ADAMTS17: variants seen among roughly 807,000 people sequenced by gnomAD.
ADAMTS17 encodes ADAM metallopeptidase with thrombospondin type 1 motif 17.
In ADAMTS17, 113 loss-of-function variants were observed where a neutral mutation model predicts 141.5. The observed-to-expected ratio is 0.80, with a 90% CI of 0.69 to 0.93. The LOEUF is 0.93. Ranked by LOEUF, ADAMTS17 falls within the 40% of genes least tolerant of loss-of-function variation. ADAMTS17 has a pLI of 0.00. For missense variants in ADAMTS17, 1,659 were observed against 1,517.9 expected, an observed-to-expected ratio of 1.09 and a Z score of -1.54; for synonymous variants, 768 against 630.6, an observed-to-expected ratio of 1.22 and a Z score of -3.27.
intron 7 of ADAMTS17, among the ~76,000 whole-genome samples, chr15:100,242,800 CT>C (rs1451865202): frequency 6.6e-6 from 1 of 152,066 alleles, no homozygotes. Context: ...TGTCATCTTA[CT>C]TCTTTAAAAA....
chr15:100,213,038 G>A (rs1184102318), intron 7 of ADAMTS17, among the ~76,000 whole-genome samples: 1 of 152,120 alleles, frequency 6.6e-6, no homozygotes, highest in African/African-American at 2.4e-5. Context: ...CATATCCGTA[G>A]TTTAACATAT....
chr15:100,008,406 C>T (rs2141389964), intron 18 of ADAMTS17, among the ~76,000 whole-genome samples: 1 of 152,268 alleles, frequency 6.6e-6, no homozygotes, highest in Non-Finnish European at 1.5e-5. Flanking sequence ...GGGACCCTGC[C>T]CACAGGTGGT....
At chr15:100,286,522 C>T (rs2044454068) in intron 3 of ADAMTS17, among the ~76,000 whole-genome samples, 1 of 152,174 alleles carries the variant, frequency 6.6e-6, no homozygotes, top group African/African-American at 2.4e-5. Flanking sequence ...GAAACTCATA[C>T]CGGCACCTCA....
intron 15 of ADAMTS17, among the ~76,000 whole-genome samples, chr15:100,078,078 T>C (rs185696326): frequency 6.6e-6 from 1 of 152,180 alleles, no homozygotes; most frequent in South Asian, 2.1e-4. Flanking sequence ...CTACAATACA[T>C]TGCTGAAAGG....
intron 14 of ADAMTS17, among the ~76,000 whole-genome samples, chr15:100,103,926 A>C (rs1361088270): frequency 6.6e-6 from 1 of 152,220 alleles, no homozygotes; most frequent in Non-Finnish European, 1.5e-5. Flanking sequence ...TGTATAGGGA[A>C]GCACAGGTTA....
intron 8 of ADAMTS17, among the ~76,000 whole-genome samples, chr15:100,175,579 G>T (rs902798067): frequency 2.0e-5 from 3 of 152,166 alleles, no homozygotes; most frequent in African/African-American, 7.2e-5. Flanking sequence ...ATGCACCCCA[G>T]GGCGTGATGG....
intron 7 of ADAMTS17, among the ~76,000 whole-genome samples, chr15:100,235,144 T>G (rs1596332326): frequency 6.6e-6 from 1 of 151,826 alleles, no homozygotes; most frequent in East Asian, 1.9e-4. Flanking sequence ...ATGCAGGAGG[T>G]GCTCGGGGAG....
intron 14 of ADAMTS17, among the ~76,000 whole-genome samples, chr15:100,099,420 C>T (rs954641977): frequency 6.6e-6 from 1 of 152,300 alleles, no homozygotes; most frequent in Non-Finnish European, 1.5e-5. Flanking sequence ...TGCCATAGGA[C>T]ACAACTGAAG....
chr15:100,032,464 A>G (rs1258623730), intron 18 of ADAMTS17, among the ~76,000 whole-genome samples: 1 of 152,224 alleles, frequency 6.6e-6, no homozygotes, highest in Non-Finnish European at 1.5e-5. Flanking sequence ...AGCATTCTGA[A>G]AAATTGCTCT....
chr15:100,135,059 C>G (rs73470015), intron 10 of ADAMTS17, among the ~76,000 whole-genome samples: 2,085 of 152,202 alleles, frequency 0.014, 41 homozygotes, highest in African/African-American at 0.047. Flanking sequence ...ATTTATGGGA[C>G]AGGAGCGGTT....
At chr15:100,250,095 T>G (rs1450148507) in intron 7 of ADAMTS17, among the ~76,000 whole-genome samples, 2 of 152,224 alleles carry the variant, frequency 1.3e-5, no homozygotes, top group Non-Finnish European at 2.9e-5. Context: ...AAGCACGATT[T>G]AAAACAGAAC....
chr15:100,257,898 A>G (rs535718846), intron 6 of ADAMTS17, among the ~76,000 whole-genome samples: 40 of 152,300 alleles, frequency 2.6e-4, no homozygotes, highest in Admixed American at 1.2e-3. Context: ...TGTACCCATG[A>G]AATAACAACT....
chr15:100,315,551 G>A (rs781593538), intron 3 of ADAMTS17, among the ~76,000 whole-genome samples: 1 of 152,192 alleles, frequency 6.6e-6, no homozygotes, highest in Non-Finnish European at 1.5e-5. Flanking sequence ...AAATGCAGAA[G>A]CCTGCCAGCT....
chr15:100,135,473 C>T (rs1377171443), intron 10 of ADAMTS17, among the ~76,000 whole-genome samples: 3 of 151,874 alleles, frequency 2.0e-5, no homozygotes, highest in Non-Finnish European at 4.4e-5. Flanking sequence ...TTAGTAGAGA[C>T]GGGGTTTCAG....
intron 3 of ADAMTS17, among the ~76,000 whole-genome samples, chr15:100,281,728 C>G (rs1248895813): frequency 6.6e-6 from 1 of 152,196 alleles, no homozygotes; most frequent in South Asian, 2.1e-4. Flanking sequence ...CTGCCAAGTA[C>G]GCACAGAAAA....
At position 100,273,826 on chromosome 15, in the gene ADAMTS17, C is replaced by T. The variant is rs532469629; in HGVS notation, c.789+7403G>A. Among the ~76,000 whole-genome samples, 50 of 152,272 alleles carry T rather than the reference C, an allele frequency of 3.3e-4. No homozygotes were observed. In the South Asian group the frequency reaches 9.5e-3, roughly 29 times the overall value. On this transcript the variant is annotated intron_variant, in intron 4 of 21. Coordinates refer to ENST00000268070, the MANE Select transcript of ADAMTS17 (RefSeq NM_139057.4). Reference sequence around the variant, plus strand: ...AGTGTTTACCGCTATACATGCTATACATTTCCCCCTAAGCAGTGCTTTGTC... The same window carrying T: ...AGTGTTTACCGCTATACATGCTATATATTTCCCCCTAAGCAGTGCTTTGTC...
At chr15:100,097,100 C>T (rs1443441926) in intron 14 of ADAMTS17, among the ~76,000 whole-genome samples, 1 of 152,156 alleles carries the variant, frequency 6.6e-6, no homozygotes, top group Non-Finnish European at 1.5e-5. Context: ...GCTGCCTCTA[C>T]CCTAGGTGGA....
At chr15:100,118,468 G>A (rs1314559695) in intron 12 of ADAMTS17, among the ~76,000 whole-genome samples, 1 of 152,218 alleles carries the variant, frequency 6.6e-6, no homozygotes, top group East Asian at 1.9e-4. Flanking sequence ...GCCCCATAGT[G>A]GGGCCTTGAG....
intron 15 of ADAMTS17, among the ~76,000 whole-genome samples, chr15:100,058,237 A>G (rs75964777): frequency 0.033 from 273 of 8,184 alleles, 52 homozygotes; most frequent in Middle Eastern, 0.083. Context: ...CTCCTATCCC[A>G]GCTCTGACCC....
Sources: allele counts gnomAD v4.1 joint callset (sites outside exome capture counted in the v4.1 genomes callset), GRCh38; gene constraint gnomAD v4.1.1; transcripts MANE v1.5; gene names NCBI Gene and HGNC (gene_info 2026-07-23, HGNC 2026-07-21).